Variants in LRRC4C observed in about 807,000 individuals in gnomAD.
The protein encoded by LRRC4C is leucine-rich repeat-containing protein 4C.
LRRC4C carries 5 observed loss-of-function variants against 33.6 expected under a neutral mutation model. That is an observed-to-expected ratio of 0.15 (90% CI 0.08 to 0.31). The LOEUF (loss-of-function observed/expected upper bound fraction) is 0.31. LRRC4C is among the 10% of genes least tolerant of loss of function. The pLI, the probability that LRRC4C is intolerant of heterozygous loss-of-function variation, is 1.00. For synonymous variants in LRRC4C, 329 were observed against 302.0 expected (o/e 1.09, Z -0.93); for missense variants, 560 against 796.7 (o/e 0.70, Z 3.58).
intron 5 of LRRC4C, among the ~76,000 whole-genome samples, chr11:40,149,249 A>G (rs949728480): frequency 5.3e-5 from 8 of 152,194 alleles, no homozygotes; most frequent in Admixed American, 2.6e-4. Flanking sequence ...TAATAGGAAT[A>G]TCAGTTAATC....
intron 3 of LRRC4C, among the ~76,000 whole-genome samples, chr11:40,640,683 T>C (rs890517631): frequency 5.9e-5 from 9 of 152,152 alleles, no homozygotes; most frequent in African/African-American, 1.9e-4. Context: ...TGATTCTGAA[T>C]AGAATACAAT....
chr11:40,493,542 A>G (rs1175836726), intron 3 of LRRC4C, among the ~76,000 whole-genome samples: 1 of 152,158 alleles, frequency 6.6e-6, no homozygotes, highest in Non-Finnish European at 1.5e-5. Flanking sequence ...TCTCAGAATG[A>G]ATGAGTAAAG....
chr11:40,709,490 C>G (rs1946349960), intron 2 of LRRC4C, among the ~76,000 whole-genome samples: 1 of 152,114 alleles, frequency 6.6e-6, no homozygotes, highest in Non-Finnish European at 1.5e-5. Flanking sequence ...ATATGAAATT[C>G]TGGGTGGAAA....
intron 1 of LRRC4C, among the ~76,000 whole-genome samples, chr11:41,045,488 C>A (rs1020630035): frequency 6.6e-6 from 1 of 152,144 alleles, no homozygotes; most frequent in Non-Finnish European, 1.5e-5. Context: ...GACGAGTTGA[C>A]GTTCGTGCCT....
At chr11:40,116,490 A>C (rs1191620033) in intron 6 of LRRC4C, among the ~76,000 whole-genome samples, 156 bp from the exon 7 acceptor site, 1 of 152,216 alleles carries the variant, frequency 6.6e-6, no homozygotes, top group Admixed American at 6.5e-5. Flanking sequence ...TATGTGGTTC[A>C]TATTTAGAAG....
At chr11:40,888,392 C>T (rs936621370) in intron 2 of LRRC4C, among the ~76,000 whole-genome samples, 1 of 151,766 alleles carries the variant, frequency 6.6e-6, no homozygotes, top group East Asian at 1.9e-4. Flanking sequence ...AATTTTATAT[C>T]TAAAGACAGT....
chr11:41,137,329 TAAAAGATTCTATACCCAGGATGG>T (rs1590718000), intron 1 of LRRC4C, among the ~76,000 whole-genome samples: 1 of 152,164 alleles, frequency 6.6e-6, no homozygotes, highest in East Asian at 1.9e-4. Flanking sequence ...ATCCCTCCCT[TAAAAGATTCTATACCCAGGATGG>T]ATAAGGAGGA....
intron 1 of LRRC4C, among the ~76,000 whole-genome samples, chr11:40,961,156 C>T (rs1850953263): frequency 6.6e-6 from 1 of 151,696 alleles, no homozygotes; most frequent in African/African-American, 2.4e-5. Context: ...TAAGTTATTA[C>T]AAATCTTCTG....
intron 1 of LRRC4C, among the ~76,000 whole-genome samples, chr11:41,210,358 G>A (rs557530835): frequency 5.9e-5 from 9 of 152,168 alleles, no homozygotes; most frequent in South Asian, 2.1e-4. Context: ...AATAAGTCTC[G>A]CGAGATCTGA....
chr11:40,877,425 CGTT>C (rs1393641471), intron 2 of LRRC4C, among the ~76,000 whole-genome samples: 1 of 152,118 alleles, frequency 6.6e-6, no homozygotes, highest in Non-Finnish European at 1.5e-5. Context: ...ATTGTTGCCT[CGTT>C]GTCAACATCA....
intron 1 of LRRC4C, among the ~76,000 whole-genome samples, chr11:41,149,426 G>C (rs898681979): frequency 1.4e-5 from 2 of 143,740 alleles, no homozygotes; most frequent in Admixed American, 7.4e-5. Flanking sequence ...AGAATGGCGT[G>C]AACAACCCGG....
chr11:40,138,569 G>T (rs1396297492), intron 6 of LRRC4C, among the ~76,000 whole-genome samples: 1 of 152,162 alleles, frequency 6.6e-6, no homozygotes, highest in Non-Finnish European at 1.5e-5. Context: ...CATGTTTAAG[G>T]CTTTACAGCC....
Position 40,361,352 on chromosome 11 carries a change from C to T in LRRC4C, c.-269-41631G>A, listed in dbSNP as rs1376491153. Among the ~76,000 whole-genome samples the T allele has an allele frequency of 2.0e-5, 3 of 152,182 alleles. No individual in the cohort carries two copies. The East Asian group carries it at 5.8e-4, about 29-fold the overall frequency. The stretch of plus-strand genomic sequence containing the variant: ...AAAAGCTTTGTAAGCTGATAAACAA[C>T]TTGAACAGTGTCTTAGGATACAAAA... On this transcript the variant is annotated intron_variant, in intron 3 of 6. Transcript: ENST00000528697.
chr11:40,463,576 TAACTC>T (rs1590818803), intron 3 of LRRC4C, among the ~76,000 whole-genome samples: 8 of 152,166 alleles, frequency 5.3e-5, no homozygotes, highest in East Asian at 3.9e-4. Context: ...AGGCTGGAAA[TAACTC>T]AATGTAAAAA....
intron 1 of LRRC4C, among the ~76,000 whole-genome samples, chr11:41,263,101 C>A (rs1032773672): frequency 5.9e-5 from 9 of 152,078 alleles, no homozygotes; most frequent in African/African-American, 2.2e-4. Flanking sequence ...TCATTCCTTG[C>A]CTCTATCTAA....
chr11:40,913,377 C>T (rs1956787044), intron 2 of LRRC4C, among the ~76,000 whole-genome samples: 1 of 152,112 alleles, frequency 6.6e-6, no homozygotes, highest in South Asian at 2.1e-4. Context: ...CAAATTAGAA[C>T]TCAGGATTAA....
At chr11:40,851,180 G>T (rs75428148) in intron 2 of LRRC4C, among the ~76,000 whole-genome samples, 1 of 149,406 alleles carries the variant, frequency 6.7e-6, no homozygotes, top group Non-Finnish European at 1.5e-5. Context: ...GGGTATGGGG[G>T]AAAAAAAAAA....
intron 2 of LRRC4C, among the ~76,000 whole-genome samples, chr11:40,851,715 G>A (rs1953510446): frequency 6.6e-6 from 1 of 152,192 alleles, no homozygotes; most frequent in South Asian, 2.1e-4. Context: ...AGGAGGCGGA[G>A]GTTGCAGTGA....
intron 1 of LRRC4C, among the ~76,000 whole-genome samples, chr11:41,405,851 A>G (rs1209636017): frequency 6.6e-6 from 1 of 152,158 alleles, no homozygotes. Context: ...GGTACTAAGT[A>G]TATAAAAAAT....
Sources: allele counts gnomAD v4.1 joint callset (sites outside exome capture counted in the v4.1 genomes callset), GRCh38; gene constraint gnomAD v4.1.1; transcripts MANE v1.5; gene names NCBI Gene and HGNC (gene_info 2026-07-23, HGNC 2026-07-21).